EXOC2: variants seen among roughly 807,000 people sequenced by gnomAD.
The protein encoded by EXOC2 is exocyst complex component 2, also known as SEC5-like 1.
Under a neutral mutation model 131.8 loss-of-function variants are expected in EXOC2, and 70 were observed. The observed-to-expected ratio is 0.53, with a 90% CI of 0.44 to 0.65. The LOEUF (loss-of-function observed/expected upper bound fraction) is 0.65. Among genes scored for constraint, EXOC2 ranks in the 30% least tolerant of loss-of-function variants. The pLI is 0.00. For synonymous variants in EXOC2, 411 were observed against 398.4 expected (o/e 1.03, Z -0.38); for missense variants, 923 against 1,108.6 (o/e 0.83, Z 2.38).
At chr6:642,851 C>A (rs1762416393) in intron 1 of EXOC2, among the ~76,000 whole-genome samples, 1 of 151,130 alleles carries the variant, frequency 6.6e-6, no homozygotes, top group Non-Finnish European at 1.5e-5. Context: ...ATAGATTTAT[C>A]TAAAGATATA....
intron 12 of EXOC2, among the ~76,000 whole-genome samples, chr6:576,032 C>A (rs2982494): frequency 2.0e-5 from 3 of 152,050 alleles, no homozygotes; most frequent in African/African-American, 7.2e-5. Flanking sequence ...ATAAAACCTT[C>A]GAAAAATTCC....
At chr6:487,251 C>T (rs1239473284) in intron 27 of EXOC2, among the ~76,000 whole-genome samples, 2 of 152,140 alleles carry the variant, frequency 1.3e-5, no homozygotes, top group Non-Finnish European at 2.9e-5. Flanking sequence ...ACTTTCCCTT[C>T]CTCTCATTTT....
intron 1 of EXOC2, among the ~76,000 whole-genome samples, chr6:652,055 C>CAA (rs779403495): frequency 1.3e-3 from 102 of 77,926 alleles, no homozygotes; most frequent in African/African-American, 3.6e-3. Context: ...GATTCCATCT[C>CAA]AAAAAAAAAA....
chr6:594,623 A>G (rs180967855), intron 10 of EXOC2, among the ~76,000 whole-genome samples: 12 of 152,368 alleles, frequency 7.9e-5, no homozygotes, highest in Admixed American at 5.2e-4. Flanking sequence ...GGCTTTTTAC[A>G]TTATACGTCT....
chr6:625,386 G>A (rs971308016), intron 4 of EXOC2, among the ~76,000 whole-genome samples: 2 of 152,360 alleles, frequency 1.3e-5, no homozygotes, highest in South Asian at 4.1e-4. Context: ...GAAGACGGAG[G>A]GGGGAGGCCA....
chr6:642,001 C>T lies in EXOC2; in HGVS notation c.-43-4140G>A, dbSNP rs60675871. Reference sequence around the variant, plus strand: ...ACCTCCTCCACATCCCGTTCAAAGCCTGTCACAGCTAGACCCGTCCACACT... The same window carrying T: ...ACCTCCTCCACATCCCGTTCAAAGCTTGTCACAGCTAGACCCGTCCACACT... On this transcript the variant is annotated intron_variant, in intron 1 of 27. Transcript: ENST00000230449. 1.6e-4 allele frequency among the ~76,000 whole-genome samples: 25 copies of T among 152,262 alleles called. No individual in the cohort carries two copies. The East Asian group carries it at 4.6e-3, about 28-fold the overall frequency.
chr6:489,473 C>A (rs894858009), intron 26 of EXOC2, among the ~76,000 whole-genome samples: 2 of 152,186 alleles, frequency 1.3e-5, no homozygotes, highest in Non-Finnish European at 2.9e-5. Flanking sequence ...AGGGCCTGAT[C>A]TACAGCCAAT....
At chr6:617,635 C>T (rs1761080665) in intron 6 of EXOC2, 76 bp downstream of exon 6, 1 of 1,527,308 alleles carries the variant, frequency 6.5e-7, no homozygotes. Context: ...AGTGTCACAC[C>T]CTGTAAACAC....
At chr6:650,497 CGTTTT>C (rs1762781069) in intron 1 of EXOC2, among the ~76,000 whole-genome samples, 1 of 152,106 alleles carries the variant, frequency 6.6e-6, no homozygotes, top group Non-Finnish European at 1.5e-5. Context: ...TATTGTAAAA[CGTTTT>C]TACTGTATAA....
chr6:565,822 A>G (rs1251483613), intron 13 of EXOC2, among the ~76,000 whole-genome samples: 2 of 152,212 alleles, frequency 1.3e-5, no homozygotes, highest in African/African-American at 2.4e-5. Context: ...AATACAAGCA[A>G]TGTTATGCAC....
Position 593,223 on chromosome 6 carries a change from A to G in EXOC2, c.1074-636T>C, listed in dbSNP as rs9504386. 9.3e-3 allele frequency among the ~76,000 whole-genome samples: 1,420 copies of G among 152,300 alleles called. 28 individuals carry two copies. The highest frequency in any genetic ancestry group is 0.031 in the African/African-American group (1,305 of 41,550). ...TCACAGGAGTTTTTCTACTTAGTTC[A>G]GAGTCATTATATTAGACACAGGTGG... On this transcript the variant is annotated intron_variant, in intron 10 of 27. Transcript: ENST00000230449.
chr6:670,929 T>C (rs1763833714), intron 1 of EXOC2, among the ~76,000 whole-genome samples: 1 of 151,838 alleles, frequency 6.6e-6, no homozygotes, highest in Non-Finnish European at 1.5e-5. Flanking sequence ...AGTAAGTCTT[T>C]TTCAGCCAGG....
chr6:619,992 C>T (rs1761203445), intron 4 of EXOC2, among the ~76,000 whole-genome samples: 1 of 152,142 alleles, frequency 6.6e-6, no homozygotes, highest in Non-Finnish European at 1.5e-5. Flanking sequence ...TGTTTTAAGA[C>T]ATACTAAGAA....
chr6:568,913 A>C (rs2127591569), intron 13 of EXOC2, among the ~76,000 whole-genome samples: 1 of 152,352 alleles, frequency 6.6e-6, no homozygotes, highest in South Asian at 2.1e-4. Flanking sequence ...TGTACTGGAC[A>C]GTAATTTTGT....
intron 23 of EXOC2, among the ~76,000 whole-genome samples, chr6:519,115 A>G (rs1197387656): frequency 7.1e-6 from 1 of 141,622 alleles, no homozygotes; most frequent in Non-Finnish European, 1.5e-5. Context: ...CTCGGAGACG[A>G]AAACCACCAC....
At position 572,524 on chromosome 6, in the gene EXOC2, C is replaced by T; in HGVS notation, c.1439G>A (p.Ser480Asn). The change falls in exon 13 of 28, where the codon AGT (serine) becomes AAT (asparagine). Residue 480 changes from serine to asparagine, a missense_variant. Ser to Asn is a conservative substitution (Grantham distance 46, BLOSUM62 1). Transcript: ENST00000230449. ...TAGCCGAGTCCGTATACACACCTCA[C>T]TGAAGAGGCTTCCATTAACGTAGGA... ...WISYVNGSLF[S>N]ETAEKSGQIE... is the part of the protein sequence containing the mutation. 1 of 1,613,880 alleles carries T rather than the reference C, an allele frequency of 6.2e-7. No individual in the cohort carries two copies. The highest frequency in any genetic ancestry group is 8.5e-7 in the Non-Finnish European group (1 of 1,179,890).
At chr6:619,865 TC>T (rs200748290) in intron 4 of EXOC2, among the ~76,000 whole-genome samples, 3,177 of 152,306 alleles carry the variant, frequency 0.021, 50 homozygotes, top group Non-Finnish European at 0.031. Context: ...ATTAAACCTA[TC>T]AAAATATGAC....
At chr6:488,886 G>C (rs1763255130) in intron 27 of EXOC2, 93 bp downstream of exon 27, 1 of 1,327,180 alleles carries the variant, frequency 7.5e-7, no homozygotes, top group Non-Finnish European at 1.1e-6. Context: ...GCTCTTCCTA[G>C]AATCCAAATC....
chr6:499,349 T>C (rs1763907972), intron 24 of EXOC2, among the ~76,000 whole-genome samples: 1 of 152,126 alleles, frequency 6.6e-6, no homozygotes, highest in South Asian at 2.1e-4. Context: ...CCTTGCAATC[T>C]ATCTTCACCT....
Sources: gnomAD v4.1 joint callset for allele counts (sites outside exome capture counted in the v4.1 genomes callset) on GRCh38, gnomAD v4.1.1 for gene constraint, MANE v1.5 for transcripts, NCBI Gene and HGNC (gene_info 2026-07-23, HGNC 2026-07-21) for gene names.